PRTG: variants seen among roughly 807,000 people sequenced by gnomAD.
The protein encoded by PRTG is protogenin, also known as immunoglobulin superfamily, DCC subclass, member 5.
A neutral mutation model predicts 122.5 loss-of-function variants in PRTG; 67 were observed. The observed-to-expected ratio is 0.55, with a 90% CI of 0.45 to 0.67. The LOEUF is 0.67. PRTG is among the 30% of genes least tolerant of loss of function. PRTG has a pLI of 0.00. For missense variants in PRTG, 1,435 were observed against 1,415.4 expected, an observed-to-expected ratio of 1.01 and a Z score of -0.22; for synonymous variants, 554 against 501.1, an observed-to-expected ratio of 1.11 and a Z score of -1.41.
rs183434568 is a variant in PRTG, at chr15:55,613,416, T to C, written c.*6596A>G. 4.6e-5 allele frequency: 7 copies of C among 152,046 alleles called. No individual in the cohort carries two copies. Among genetic ancestry groups the C allele is most frequent in the Admixed American group, 3.3e-4 (5 of 15,252 alleles). 9.4% of individuals were successfully genotyped at this position (152,046 alleles called of 1,614,324 possible). A position where few individuals can be genotyped will look rare whatever the true frequency, so the allele number is the denominator to read the frequency against. On this transcript the variant is annotated 3_prime_UTR_variant, in exon 20 of 20. Transcript: ENST00000389286. Reference sequence around the variant, plus strand: ...AAGATAAAATGCAATTCTGAAGACATTGTCGAATAAGGAAATGCTTGACTA... The same window carrying C: ...AAGATAAAATGCAATTCTGAAGACACTGTCGAATAAGGAAATGCTTGACTA...
chr15:55,703,595 T>C lies in PRTG; in HGVS notation c.398-19664A>G, dbSNP rs142048786. 1.9e-3 allele frequency among the ~76,000 whole-genome samples: 286 copies of C among 152,266 alleles called. 2 individuals are homozygous for C. Among genetic ancestry groups the C allele is most frequent in the African/African-American group, 6.8e-3 (283 of 41,550 alleles). ...CCTCAGCAAAATAAATAGGAACAGG[T>C]TGTCAATAAGAAAAGTCCAGGGAAG... On this transcript the variant is annotated intron_variant, in intron 2 of 19. Coordinates refer to ENST00000389286, the MANE Select transcript of PRTG (RefSeq NM_173814.6).
At chr15:55,647,486 T>G (rs531778547) in intron 11 of PRTG, among the ~76,000 whole-genome samples, 305 of 152,338 alleles carry the variant, frequency 2.0e-3, no homozygotes, top group African/African-American at 7.1e-3. Context: ...TATTTACCCC[T>G]AACAGTTGTA....
At chr15:55,742,693 G>A (rs1399131713) in intron 1 of PRTG, 145 bp downstream of exon 1, 12 of 970,728 alleles carry the variant, frequency 1.2e-5, no homozygotes, top group Admixed American at 2.4e-5. Flanking sequence ...CAGGCCGCAG[G>A]GCGAGAGCGG....
chr15:55,620,258 T>C lies in PRTG; in HGVS notation c.3207A>G (p.Arg1069=). 1 of 1,613,742 alleles carries C rather than the reference T, an allele frequency of 6.2e-7. No individual in the cohort carries two copies. Among genetic ancestry groups the C allele is most frequent in the Non-Finnish European group, 8.5e-7 (1 of 1,179,834 alleles). Residue 1069 remains arginine (R), a synonymous_variant, in exon 20 of 20, where the codon AGA becomes AGG. Coordinates refer to ENST00000389286, the MANE Select transcript of PRTG (RefSeq NM_173814.6). The part of the protein sequence containing the change: ...SKKIQVEQPQ[R]RFTPAVCFYQ... Reference sequence around the variant, plus strand: ...AAAAGCAGACCGCTGGAGTAAATCTTCTTTGAGGCTAGGCAAAAAAAGATA... The same window carrying C: ...AAAAGCAGACCGCTGGAGTAAATCTCCTTTGAGGCTAGGCAAAAAAAGATA...
intron 2 of PRTG, among the ~76,000 whole-genome samples, chr15:55,709,337 T>TTA (rs1235551373): frequency 2.7e-5 from 4 of 146,882 alleles, no homozygotes; most frequent in Non-Finnish European, 4.5e-5. Context: ...TAAAAAAAGT[T>TTA]TATATATATA....
intron 11 of PRTG, among the ~76,000 whole-genome samples, chr15:55,641,983 G>T (rs1439547582): frequency 4.0e-5 from 6 of 150,326 alleles, no homozygotes; most frequent in African/African-American, 1.2e-4. Flanking sequence ...GACCATCCTG[G>T]CTAACAAGGT....
At chr15:55,724,654 T>C (rs2030958554) in intron 2 of PRTG, among the ~76,000 whole-genome samples, 2 of 151,634 alleles carry the variant, frequency 1.3e-5, no homozygotes, top group South Asian at 2.1e-4. Context: ...AGCTACTCAG[T>C]AGCTGAGGCA....
In PRTG at chr15:55,638,696, AGTT is replaced by A. The variant is rs1567078493; in HGVS notation, c.2325-23_2325-21del. 3.1e-6 allele frequency: 5 copies of A among 1,606,388 alleles called. 1 individual carries two copies. The South Asian group carries it at 5.6e-5, about 18-fold the overall frequency. ...TCTGATCTATAATAACGAGTGATGA[AGTT>A]GTTAATGCTGGTAGTATAATATTGT... On this transcript the variant is annotated intron_variant, in intron 13 of 19. Transcript: ENST00000389286.
At chr15:55,723,043 A>G (rs1301279306) in intron 2 of PRTG, among the ~76,000 whole-genome samples, 1 of 152,124 alleles carries the variant, frequency 6.6e-6, no homozygotes, top group Non-Finnish European at 1.5e-5. Flanking sequence ...CCTGGCCTAT[A>G]CCACACACTT....
chr15:55,678,929 TTCC>T (rs2059520434), intron 7 of PRTG, among the ~76,000 whole-genome samples: 1 of 152,242 alleles, frequency 6.6e-6, no homozygotes, highest in Non-Finnish European at 1.5e-5. Context: ...TTCTTCTAAT[TTCC>T]TCATTTTGTG....
intron 14 of PRTG, among the ~76,000 whole-genome samples, chr15:55,637,987 T>C (rs1031396134): frequency 2.0e-5 from 3 of 152,212 alleles, no homozygotes; most frequent in African/African-American, 7.2e-5. Context: ...TGTCCCTTAC[T>C]TTCTCTCTGT....
chr15:55,667,641 C>T (rs937198566), intron 11 of PRTG, among the ~76,000 whole-genome samples: 1 of 152,048 alleles, frequency 6.6e-6, no homozygotes, highest in African/African-American at 2.4e-5. Flanking sequence ...AAGTGAAATA[C>T]GATAGTTTTT....
At chr15:55,741,913 A>G (rs1344268330) in intron 1 of PRTG, among the ~76,000 whole-genome samples, 2 of 152,196 alleles carry the variant, frequency 1.3e-5, no homozygotes, top group African/African-American at 2.4e-5. Context: ...ACCCCATTGC[A>G]GAAAAAGCCT....
intron 11 of PRTG, among the ~76,000 whole-genome samples, chr15:55,659,922 G>T (rs1160282696): frequency 5.0e-5 from 2 of 39,892 alleles, no homozygotes; most frequent in African/African-American, 1.8e-4. Flanking sequence ...TCAAAAAAAA[G>T]TCTCAAAAAC....
At chr15:55,725,780 T>C (rs1201536213) in intron 2 of PRTG, among the ~76,000 whole-genome samples, 2 of 152,126 alleles carry the variant, frequency 1.3e-5, no homozygotes, top group African/African-American at 4.8e-5. Context: ...CTAACTTTAT[T>C]TATCTATTTG....
At chr15:55,644,553 A>T (rs1439037200) in intron 11 of PRTG, among the ~76,000 whole-genome samples, 1 of 152,192 alleles carries the variant, frequency 6.6e-6, no homozygotes, top group African/African-American at 2.4e-5. Context: ...GAAACAGCTT[A>T]TGTGTCCCAA....
chr15:55,733,776 G>C (rs1328640361), intron 2 of PRTG, among the ~76,000 whole-genome samples: 1 of 151,970 alleles, frequency 6.6e-6, no homozygotes, highest in African/African-American at 2.4e-5. Flanking sequence ...GCAGGACGCC[G>C]TGACTGCACC....
At chr15:55,637,594 T>G (rs2059265126) in intron 14 of PRTG, among the ~76,000 whole-genome samples, 2 of 152,182 alleles carry the variant, frequency 1.3e-5, no homozygotes, top group Admixed American at 6.5e-5. Context: ...TTAAGGTTCC[T>G]GAAACGTTTT....
At chr15:55,659,739 G>A (rs1238502391) in intron 11 of PRTG, among the ~76,000 whole-genome samples, 1 of 152,048 alleles carries the variant, frequency 6.6e-6, no homozygotes, top group Non-Finnish European at 1.5e-5. Context: ...GGGCAACACG[G>A]TGAAACCCCG....
Sources: allele counts gnomAD v4.1 joint callset (sites outside exome capture counted in the v4.1 genomes callset), GRCh38; gene constraint gnomAD v4.1.1; transcripts MANE v1.5; gene names NCBI Gene and HGNC (gene_info 2026-07-23, HGNC 2026-07-21).